ZNF804A: variants seen among roughly 807,000 people sequenced by gnomAD.
The protein encoded by ZNF804A is zinc finger protein 804A.
Under a neutral mutation model 16.5 loss-of-function variants are expected in ZNF804A, and 2 were observed. That is an observed-to-expected ratio of 0.12 (90% CI 0.05 to 0.38). ZNF804A has a LOEUF of 0.38. Among genes scored for constraint, ZNF804A ranks in the 10% least tolerant of loss-of-function variants. The pLI is 0.99. For missense variants in ZNF804A, 1,473 were observed against 1,390.7 expected (o/e 1.06, Z -0.94); for synonymous variants, 534 against 489.6 (o/e 1.09, Z -1.20).
At chr2:184,641,330 A>G (rs892518417) in intron 1 of ZNF804A, among the ~76,000 whole-genome samples, 1 of 152,182 alleles carries the variant, frequency 6.6e-6, no homozygotes, top group African/African-American at 2.4e-5. Context: ...ATCCCAAAAC[A>G]TTATGCTGAA....
chr2:184,667,988 C>A (rs1225121999), intron 1 of ZNF804A, among the ~76,000 whole-genome samples: 1 of 151,510 alleles, frequency 6.6e-6, no homozygotes, highest in Admixed American at 6.6e-5. Context: ...GGATTGAAAA[C>A]TAATTTTCAG....
intron 1 of ZNF804A, among the ~76,000 whole-genome samples, chr2:184,624,791 T>C (rs368059379): frequency 2.0e-5 from 3 of 152,196 alleles, no homozygotes; most frequent in East Asian, 1.9e-4. Context: ...TTGATTTCTG[T>C]ATAGTTTTGA....
chr2:184,675,572 C>A (rs973685653), intron 1 of ZNF804A, among the ~76,000 whole-genome samples: 12 of 151,762 alleles, frequency 7.9e-5, no homozygotes, highest in Non-Finnish European at 1.3e-4. Flanking sequence ...AATGTTTGAA[C>A]CTTACTGTGT....
intron 2 of ZNF804A, among the ~76,000 whole-genome samples, chr2:184,871,711 T>A (rs1695979764): frequency 6.6e-6 from 1 of 151,958 alleles, no homozygotes; most frequent in African/African-American, 2.4e-5. Context: ...TGTAGAAATG[T>A]CCTAAAAGCA....
At chr2:184,740,428 G>A (rs1287552763) in intron 1 of ZNF804A, among the ~76,000 whole-genome samples, 2 of 152,124 alleles carry the variant, frequency 1.3e-5, no homozygotes, top group Non-Finnish European at 2.9e-5. Flanking sequence ...TCCAAAGACT[G>A]CACTTTGATT....
intron 1 of ZNF804A, among the ~76,000 whole-genome samples, chr2:184,846,138 C>T (rs1435182771): frequency 6.6e-6 from 1 of 152,062 alleles, no homozygotes; most frequent in East Asian, 1.9e-4. Flanking sequence ...TTATAAGCTT[C>T]CTACTCTCTC....
chr2:184,729,706 G>A (rs1040130988), intron 1 of ZNF804A, among the ~76,000 whole-genome samples: 3 of 151,994 alleles, frequency 2.0e-5, no homozygotes, highest in Admixed American at 6.6e-5. Context: ...TTACTGACAC[G>A]TTTTTCCTCA....
At chr2:184,925,168 A>G (rs1685591079) in intron 2 of ZNF804A, among the ~76,000 whole-genome samples, 2 of 151,960 alleles carry the variant, frequency 1.3e-5, no homozygotes, top group Admixed American at 1.3e-4. Flanking sequence ...ACTGAGGTGT[A>G]GCTCTCTATT....
rs1695541529 is a variant in ZNF804A at position 184,847,703 on chromosome 2, G to GTCCCATAA, written c.112-18665_112-18658dup. Among the ~76,000 whole-genome samples, 5 of 152,162 alleles carry GTCCCATAA rather than the reference G, an allele frequency of 3.3e-5. No individual in the cohort carries two copies. The South Asian group carries it at 1.0e-3, about 32-fold the overall frequency. On this transcript the variant is annotated intron_variant, in intron 1 of 3. Coordinates refer to ENST00000302277, the MANE Select transcript of ZNF804A (RefSeq NM_194250.2). ...TCAGACTCCACAGGTTAAAGTCTGA[G>GTCCCATAA]TCCCATAAGACTGTTCCCATTTTCA...
At chr2:184,660,690 A>T (rs1020012196) in intron 1 of ZNF804A, among the ~76,000 whole-genome samples, 1 of 152,246 alleles carries the variant, frequency 6.6e-6, no homozygotes, top group Non-Finnish European at 1.5e-5. Flanking sequence ...GTCTACTATG[A>T]AAAAACACAT....
intron 1 of ZNF804A, among the ~76,000 whole-genome samples, chr2:184,684,066 T>C (rs964412988): frequency 1.7e-4 from 26 of 152,198 alleles, no homozygotes; most frequent in African/African-American, 6.3e-4. Flanking sequence ...GCAGACGTAA[T>C]TGTAAGCAGG....
chr2:184,684,952 C>A (rs1196502304), intron 1 of ZNF804A, among the ~76,000 whole-genome samples: 5 of 151,992 alleles, frequency 3.3e-5, no homozygotes, highest in African/African-American at 1.2e-4. Context: ...TATGGTGGTG[C>A]CTTCTGCCTG....
intron 1 of ZNF804A, among the ~76,000 whole-genome samples, chr2:184,779,717 C>T (rs1694344762): frequency 6.6e-6 from 1 of 151,606 alleles, no homozygotes; most frequent in African/African-American, 2.4e-5. Flanking sequence ...CCTCTAGAAG[C>T]TGGAAAAGGT....
intron 1 of ZNF804A, among the ~76,000 whole-genome samples, chr2:184,748,703 G>A (rs1430285703): frequency 6.6e-6 from 1 of 151,152 alleles, no homozygotes; most frequent in Non-Finnish European, 1.5e-5. Flanking sequence ...TTTCTTCTAG[G>A]ATTTTTATTG....
rs548752122 is a variant in ZNF804A at position 184,819,024 on chromosome 2, A to G, written c.112-47345A>G. ...ATTGAGACAGAAAATTAACGAAGAT[A>G]TTAAGGACCTCAACTTCAACTCACC... is the stretch of plus-strand genomic sequence containing the variant. On this transcript the variant is annotated intron_variant, in intron 1 of 3. Coordinates refer to ENST00000302277, the MANE Select transcript of ZNF804A (RefSeq NM_194250.2). 3.9e-5 allele frequency among the ~76,000 whole-genome samples: 6 copies of G among 152,156 alleles called. No homozygotes were observed. In the East Asian group the frequency reaches 9.7e-4, roughly 25 times the overall value.
intron 1 of ZNF804A, among the ~76,000 whole-genome samples, chr2:184,794,350 G>T (rs899275607): frequency 6.6e-6 from 1 of 151,894 alleles, no homozygotes; most frequent in Non-Finnish European, 1.5e-5. Context: ...TCATACGTTT[G>T]TTGGCCATTC....
chr2:184,734,255 G>A (rs1693573948), intron 1 of ZNF804A, among the ~76,000 whole-genome samples: 1 of 152,024 alleles, frequency 6.6e-6, no homozygotes, highest in Admixed American at 6.6e-5. Context: ...TAAGGTGGAA[G>A]CTTAGATTGT....
Position 184,938,422 on chromosome 2 carries a change from A to T in ZNF804A, c.3026A>T (p.Glu1009Val). 1 of 1,614,096 alleles carries T rather than the reference A, an allele frequency of 6.2e-7. No individual in the cohort carries two copies. Among genetic ancestry groups the T allele is most frequent in the Non-Finnish European group, 8.5e-7 (1 of 1,180,018 alleles). Residue 1009 changes from glutamate to valine, a missense_variant, in exon 4 of 4, where the codon GAA (glutamate) becomes GTA (valine). Coordinates refer to ENST00000302277, the MANE Select transcript of ZNF804A (RefSeq NM_194250.2). The stretch of plus-strand genomic sequence containing the variant: ...ACACAACCACCATTACCATTCAAAG[A>T]AGCACATGTCAGTGGTCATACTTTT... ...LNTQPPLPFK[E>V]AHVSGHTFVT...
intron 1 of ZNF804A, among the ~76,000 whole-genome samples, chr2:184,762,061 C>G (rs1303197383): frequency 6.6e-6 from 1 of 151,980 alleles, no homozygotes; most frequent in African/African-American, 2.4e-5. Flanking sequence ...AGGAATATAT[C>G]TCTGTCACAT....
Sources: allele counts gnomAD v4.1 joint callset (sites outside exome capture counted in the v4.1 genomes callset), GRCh38; gene constraint gnomAD v4.1.1; transcripts MANE v1.5; gene names NCBI Gene and HGNC (gene_info 2026-07-23, HGNC 2026-07-21).